The following FBXW7 variants were observed in gnomAD, a reference collection of about 807,000 sequenced individuals.
FBXW7 encodes F-box and WD repeat domain containing 7.
FBXW7 carries 11 observed loss-of-function variants against 86.3 expected under a neutral mutation model. That is an observed-to-expected ratio of 0.13 (90% CI 0.08 to 0.21). The LOEUF (loss-of-function observed/expected upper bound fraction) is 0.21. Ranked by LOEUF, FBXW7 falls within the 10% of genes least tolerant of loss-of-function variation. The pLI is 1.00. For synonymous variants in FBXW7, 313 were observed against 297.9 expected (o/e 1.05, Z -0.52); for missense variants, 488 against 847.4 (o/e 0.58, Z 5.27).
At chr4:152,477,614 C>T (rs1237201494) in intron 2 of FBXW7, among the ~76,000 whole-genome samples, 1 of 152,082 alleles carries the variant, frequency 6.6e-6, no homozygotes, top group Non-Finnish European at 1.5e-5. Flanking sequence ...TATATCATCC[C>T]AGTATTTCCC....
At chr4:152,486,715 GT>G (rs1201409910) in intron 2 of FBXW7, among the ~76,000 whole-genome samples, 1 of 151,806 alleles carries the variant, frequency 6.6e-6, no homozygotes, top group Non-Finnish European at 1.5e-5. Context: ...TTTTTAATAA[GT>G]AGAAGTACAT....
At chr4:152,410,363 A>G (rs957949743) in intron 4 of FBXW7, among the ~76,000 whole-genome samples, 4 of 152,222 alleles carry the variant, frequency 2.6e-5, no homozygotes, top group African/African-American at 9.6e-5. Context: ...TGTTAGTGGT[A>G]GAGCCATCTG....
chr4:152,509,757 C>T (rs1747789421), intron 2 of FBXW7, among the ~76,000 whole-genome samples: 1 of 152,142 alleles, frequency 6.6e-6, no homozygotes, highest in South Asian at 2.1e-4. Flanking sequence ...AATGACCTCA[C>T]AATGAGGGAG....
intron 2 of FBXW7, among the ~76,000 whole-genome samples, chr4:152,469,834 T>C (rs1224584511): frequency 6.6e-5 from 10 of 152,224 alleles, no homozygotes; most frequent in African/African-American, 1.7e-4. Context: ...ATTTAAAATA[T>C]TAATTATAAC....
chr4:152,535,484 C>A lies in FBXW7; in HGVS notation c.-570G>T. The stretch of plus-strand genomic sequence containing the variant: ...CAGCCGCCGCTTCACATCGGGGTCC[C>A]CGCCCCCCCGGCCGGGGGGTGGTTG... On this transcript the variant is annotated 5_prime_UTR_variant, in exon 1 of 14. Transcript: ENST00000281708. 2.5e-6 allele frequency: 1 copy of A among 394,386 alleles called. No homozygotes were observed. Among genetic ancestry groups the A allele is most frequent in the South Asian group, 1.4e-4 (1 of 7,354 alleles). The allele number at this position is 394,386 out of a possible 1,614,324, so 24.4% of individuals were successfully genotyped here.
At chr4:152,343,501 G>T (rs1730943426) in intron 6 of FBXW7, among the ~76,000 whole-genome samples, 1 of 152,066 alleles carries the variant, frequency 6.6e-6, no homozygotes, top group South Asian at 2.1e-4. Context: ...GAAAATAAAG[G>T]CAAGAATGGT....
intron 2 of FBXW7, among the ~76,000 whole-genome samples, chr4:152,512,860 T>G (rs1244102634): frequency 6.6e-6 from 1 of 152,020 alleles, no homozygotes; most frequent in Non-Finnish European, 1.5e-5. Context: ...GACCGAATAT[T>G]TATTTATTTA....
intron 2 of FBXW7, among the ~76,000 whole-genome samples, chr4:152,453,044 C>T (rs920240917): frequency 1.3e-5 from 2 of 152,128 alleles, no homozygotes; most frequent in South Asian, 2.1e-4. Flanking sequence ...ATTAGCCAGG[C>T]GTGGTGGCAC....
intron 2 of FBXW7, among the ~76,000 whole-genome samples, chr4:152,456,003 C>T (rs534353388): frequency 6.6e-6 from 1 of 151,916 alleles, no homozygotes; most frequent in South Asian, 2.1e-4. Flanking sequence ...TTTCAGGGGT[C>T]ATTATTTGGC....
intron 4 of FBXW7, among the ~76,000 whole-genome samples, chr4:152,380,244 CAT>C (rs1333581755): frequency 1.3e-5 from 2 of 151,764 alleles, no homozygotes. Context: ...TTAATTATAA[CAT>C]ATTAAAAATA....
intron 4 of FBXW7, among the ~76,000 whole-genome samples, chr4:152,384,046 G>C (rs1735317914): frequency 6.6e-6 from 1 of 152,124 alleles, no homozygotes; most frequent in African/African-American, 2.4e-5. Context: ...CTAGGATGTG[G>C]GGAAATCAGA....
At chr4:152,465,257 A>G (rs995004818) in intron 2 of FBXW7, among the ~76,000 whole-genome samples, 2 of 152,192 alleles carry the variant, frequency 1.3e-5, no homozygotes, top group African/African-American at 4.8e-5. Flanking sequence ...AAGAAAATTA[A>G]TGTATACTCA....
intron 13 of FBXW7, 143 bp from the exon 14 acceptor site, chr4:152,323,292 A>T: frequency 1.0e-6 from 1 of 996,284 alleles, no homozygotes; most frequent in South Asian, 1.8e-5. Flanking sequence ...CCATGTCCTC[A>T]GTATTTTAGG....
intron 2 of FBXW7, among the ~76,000 whole-genome samples, chr4:152,442,752 G>C (rs1456735858): frequency 1.3e-5 from 2 of 152,140 alleles, no homozygotes; most frequent in Non-Finnish European, 2.9e-5. Flanking sequence ...TGTTTCCCAA[G>C]TTATGAACAC....
intron 2 of FBXW7, among the ~76,000 whole-genome samples, chr4:152,479,833 T>G (rs964944056): frequency 1.3e-5 from 2 of 152,164 alleles, no homozygotes; most frequent in Non-Finnish European, 2.9e-5. Context: ...TACAGAATAA[T>G]TGGGCACCAC....
intron 4 of FBXW7, among the ~76,000 whole-genome samples, chr4:152,350,448 A>AGAG (rs1342003123): frequency 1.3e-5 from 2 of 151,738 alleles, no homozygotes; most frequent in East Asian, 3.8e-4. Context: ...CATAGGGAAA[A>AGAG]ATCTCAAGTT....
intron 4 of FBXW7, among the ~76,000 whole-genome samples, chr4:152,387,412 A>G (rs1735614862): frequency 6.6e-6 from 1 of 152,176 alleles, no homozygotes; most frequent in South Asian, 2.1e-4. Context: ...TATTTTATCT[A>G]CCAAATCAGT....
intron 2 of FBXW7, among the ~76,000 whole-genome samples, chr4:152,422,225 G>A (rs1358420246): frequency 6.6e-6 from 1 of 152,180 alleles, no homozygotes; most frequent in Non-Finnish European, 1.5e-5. Flanking sequence ...AATTCTTTAT[G>A]AATTCAACTG....
rs773325030 is a variant in FBXW7, at chr4:152,332,604, T to C, written c.977A>G (p.Lys326Arg). 1.9e-6 allele frequency: 3 copies of C among 1,601,440 alleles called. No individual in the cohort carries two copies. The highest frequency in any genetic ancestry group is 1.1e-5 in the South Asian group (1 of 90,430). ...GCAATTTTGAACCTTACCCTCTTCT[T>C]TGCATTTCTCTCTCCAGAGAAGGTT... ...EDNLLWREKCKEEGIDEPLHI... is the reference protein window; with the variant it reads ...EDNLLWREKCREEGIDEPLHI... Residue 326 changes from lysine (K) to arginine (R), a missense_variant, in exon 8 of 14, where the codon AAA becomes AGA. Lys to Arg is a conservative substitution (Grantham distance 26, BLOSUM62 2). This residue lies in a region of FBXW7 where 57 missense variants were observed against 62.8 expected (regional missense o/e 0.91). Coordinates refer to ENST00000281708, the MANE Select transcript of FBXW7 (RefSeq NM_001349798.2).
Sources: allele counts gnomAD v4.1 joint callset (sites outside exome capture counted in the v4.1 genomes callset), GRCh38; gene constraint gnomAD v4.1.1; regional missense constraint gnomAD v4.1.1; transcripts MANE v1.5; gene names NCBI Gene and HGNC (gene_info 2026-07-23, HGNC 2026-07-21).